LRRC63: variants seen among roughly 807,000 people sequenced by gnomAD.
The protein encoded by LRRC63 is leucine-rich repeat-containing protein 63.
LRRC63 carries 40 observed loss-of-function variants against 49.5 expected under a neutral mutation model. The ratio of observed to expected loss-of-function variants is 0.81; its 90% CI spans 0.63 to 1.05. LRRC63 has a LOEUF of 1.05. LRRC63 is among the 50% of genes least tolerant of loss of function. LRRC63 has a pLI of 0.00. For synonymous variants in LRRC63, 191 were observed against 221.1 expected (o/e 0.86, Z 1.21); for missense variants, 636 against 663.1 (o/e 0.96, Z 0.45).
chr13:46,216,401 T>C (rs1169695329), intron 2 of LRRC63, among the ~76,000 whole-genome samples: 1 of 152,248 alleles, frequency 6.6e-6, no homozygotes, highest in Non-Finnish European at 1.5e-5. Context: ...AGTTCACTTA[T>C]GATGTGGCTC....
chr13:46,276,782 G>A (rs2047842949), exon 10 of LRRC63: 3 of 1,191,144 alleles, frequency 2.5e-6, no homozygotes, highest in African/African-American at 1.6e-5. Flanking sequence ...CTCTAGATGT[G>A]GAGTTGTCAA....
intron 9 of LRRC63, among the ~76,000 whole-genome samples, chr13:46,271,963 A>G (rs977954034): frequency 6.6e-6 from 1 of 152,094 alleles, no homozygotes; most frequent in Non-Finnish European, 1.5e-5. Context: ...TAAAATAATA[A>G]TAACTAATAA....
intron 7 of LRRC63, among the ~76,000 whole-genome samples, chr13:46,257,973 A>C (rs2047543052): frequency 6.6e-6 from 1 of 152,044 alleles, no homozygotes; most frequent in Admixed American, 6.6e-5. Flanking sequence ...CTAAAAGTGT[A>C]ATGGAGTACT....
intron 7 of LRRC63, among the ~76,000 whole-genome samples, chr13:46,255,055 A>G (rs1018948043): frequency 1.3e-5 from 2 of 152,222 alleles, no homozygotes; most frequent in African/African-American, 4.8e-5. Flanking sequence ...AAAATGTGAT[A>G]TATACATACA....
intron 6 of LRRC63, 77 bp downstream of exon 6, chr13:46,246,702 A>G (rs1047989030): frequency 3.0e-6 from 2 of 669,466 alleles, no homozygotes; most frequent in Non-Finnish European, 4.4e-6. Flanking sequence ...ACGTCTTTTA[A>G]TACCTTGAAG....
exon 10 of LRRC63, chr13:46,276,826 G>GTATATATATATATATATATA (rs752992115): frequency 3.4e-4 from 56 of 165,292 alleles, no homozygotes; most frequent in South Asian, 1.2e-3. Flanking sequence ...TCGTATGTGT[G>GTATATATATATATATATATA]TGTATATATA....
chr13:46,228,277 T>C (rs1446645303), intron 3 of LRRC63, 88 bp downstream of exon 3: 13 of 1,032,274 alleles, frequency 1.3e-5, no homozygotes, highest in Non-Finnish European at 1.7e-5. Context: ...CCCCTCCCGC[T>C]TTGGGTTTGC....
At chr13:46,230,915 A>G (rs2046736282) in intron 4 of LRRC63, among the ~76,000 whole-genome samples, 1 of 152,198 alleles carries the variant, frequency 6.6e-6, no homozygotes, top group Non-Finnish European at 1.5e-5. Context: ...TCTATCAGAT[A>G]CCCCAAGTCA....
chr13:46,250,502 T>C lies in LRRC63; in HGVS notation c.1226+11T>C. On this transcript the variant is annotated intron_variant, in intron 7 of 9. Coordinates refer to ENST00000595396, the Ensembl canonical transcript of LRRC63. ...TGTTCTTCCAATTGGGTAAGGTTGA[T>C]GGTCTGAGATTATAAACACAGAAAA... 1 of 1,488,198 alleles carries C rather than the reference T, an allele frequency of 6.7e-7. No individual in the cohort carries two copies. The highest frequency in any genetic ancestry group is 9.0e-7 in the Non-Finnish European group (1 of 1,111,404). 92.2% of individuals were successfully genotyped at this position (1,488,198 alleles called of 1,614,324 possible).
exon 10 of LRRC63, chr13:46,276,852 T>TATATATATATATATATATATATA (rs1566518794): frequency 8.3e-6 from 1 of 120,082 alleles, no homozygotes; most frequent in South Asian, 2.9e-4. Flanking sequence ...ATATATATAT[T>TATATATATATATATATATATATA]TATATATATA....
rs188493711 is a variant in LRRC63 at position 46,262,576 on chromosome 13, C to A, written c.1310+584C>A. Reference sequence around the variant, plus strand: ...AATCACAGAGTTAGAATTTTAATTGCAATTGCATAGAGTTTACTCATAAAT... The same window carrying A: ...AATCACAGAGTTAGAATTTTAATTGAAATTGCATAGAGTTTACTCATAAAT... On this transcript the variant is annotated intron_variant, in intron 8 of 9. Coordinates refer to ENST00000595396, the Ensembl canonical transcript of LRRC63. Among the ~76,000 whole-genome samples the A allele has an allele frequency of 2.1e-3, 314 of 152,228 alleles. 2 individuals are homozygous for A. Among genetic ancestry groups the A allele is most frequent in the Non-Finnish European group, 2.8e-3 (193 of 67,968 alleles).
chr13:46,246,203 G>A (rs2047208590), intron 5 of LRRC63, among the ~76,000 whole-genome samples: 1 of 152,142 alleles, frequency 6.6e-6, no homozygotes, highest in Admixed American at 6.5e-5. Flanking sequence ...AGCAGATGCT[G>A]CCATGCTTTC....
At chr13:46,255,510 T>A (rs2047486009) in intron 7 of LRRC63, among the ~76,000 whole-genome samples, 1 of 151,370 alleles carries the variant, frequency 6.6e-6, no homozygotes, top group East Asian at 1.9e-4. Flanking sequence ...TACAAAAAAA[T>A]ACGAAAAATT....
intron 2 of LRRC63, among the ~76,000 whole-genome samples, chr13:46,214,439 A>G (rs1190480363): frequency 6.6e-6 from 1 of 152,134 alleles, no homozygotes; most frequent in Non-Finnish European, 1.5e-5. Flanking sequence ...TTACAGCTCA[A>G]GGTTACCAGT....
At chr13:46,275,266 G>C (rs1229476788) in intron 9 of LRRC63, among the ~76,000 whole-genome samples, 2 of 152,118 alleles carry the variant, frequency 1.3e-5, no homozygotes, top group Non-Finnish European at 2.9e-5. Context: ...ATTGTGAATA[G>C]AGCTGCAATA....
intron 4 of LRRC63, among the ~76,000 whole-genome samples, chr13:46,229,762 T>G (rs926637537): frequency 6.6e-6 from 1 of 152,160 alleles, no homozygotes; most frequent in African/African-American, 2.4e-5. Flanking sequence ...TGTTAGGCCA[T>G]TCTTGCATTG....
At chr13:46,264,843 C>T (rs895165262) in intron 8 of LRRC63, among the ~76,000 whole-genome samples, 1 of 152,222 alleles carries the variant, frequency 6.6e-6, no homozygotes, top group Non-Finnish European at 1.5e-5. Flanking sequence ...AGTCTCAACA[C>T]AGAGCTATTC....
chr13:46,242,775 A>G (rs1252948042), intron 5 of LRRC63, among the ~76,000 whole-genome samples: 1 of 150,378 alleles, frequency 6.6e-6, no homozygotes, highest in South Asian at 2.1e-4. Flanking sequence ...AAAAAAAAAC[A>G]AAAAACCTCT....
intron 8 of LRRC63, among the ~76,000 whole-genome samples, chr13:46,265,602 C>A (rs367637817): frequency 6.6e-6 from 1 of 152,174 alleles, no homozygotes; most frequent in East Asian, 1.9e-4. Flanking sequence ...GGGCTCCTGC[C>A]CTGATCTAGT....
Sources: allele counts gnomAD v4.1 joint callset (sites outside exome capture counted in the v4.1 genomes callset), GRCh38; gene constraint gnomAD v4.1.1; transcripts MANE v1.5; gene names NCBI Gene and HGNC (gene_info 2026-07-23, HGNC 2026-07-21).